Variants in ADAMTS14 observed in about 807,000 individuals in gnomAD.
The protein encoded by ADAMTS14 is ADAM metallopeptidase with thrombospondin type 1 motif 14.
In ADAMTS14, 100 loss-of-function variants were observed where a neutral mutation model predicts 128.6. The ratio of observed to expected loss-of-function variants is 0.78; its 90% confidence interval spans 0.66 to 0.92. The LOEUF (loss-of-function observed/expected upper bound fraction) is 0.92. Ranked by LOEUF, ADAMTS14 falls within the 40% of genes least tolerant of loss-of-function variation. ADAMTS14 has a pLI of 0.00. For missense variants in ADAMTS14, 1,562 were observed against 1,658.6 expected (o/e 0.94, Z 1.01); for synonymous variants, 665 against 653.8 (o/e 1.02, Z -0.26).
At position 70,691,505 on chromosome 10, in the gene ADAMTS14, A is replaced by AC. The variant is rs1840188624; in HGVS notation, c.523-10807_523-10806insC. Reference sequence around the variant, plus strand: ...ACCCTGTTAAAAAAAAAAAAAAAAAAAAAACAAAGAAAAAAACAAAACTTC... The same window carrying AC: ...ACCCTGTTAAAAAAAAAAAAAAAAAACAAAACAAAGAAAAAAACAAAACTTC... On this transcript the variant is annotated intron_variant, in intron 2 of 21. Coordinates refer to ENST00000373207, the MANE Select transcript of ADAMTS14 (RefSeq NM_080722.4). Among the ~76,000 whole-genome samples the AC allele has an allele frequency of 2.8e-5, 4 of 144,776 alleles. No homozygotes were observed. The South Asian group carries it at 8.9e-4, about 32-fold the overall frequency. 95.0% of individuals were successfully genotyped at this position (144,776 alleles called of 152,430 possible). A position where few individuals can be genotyped will look rare whatever the true frequency, so the allele number is the denominator to read the frequency against.
intron 2 of ADAMTS14, among the ~76,000 whole-genome samples, chr10:70,686,780 C>A (rs1456312499): frequency 1.7e-5 from 1 of 59,876 alleles, no homozygotes; most frequent in African/African-American, 6.2e-5. Context: ...CATCCTGGCC[C>A]GTTCTCAATG....
intron 10 of ADAMTS14, among the ~76,000 whole-genome samples, chr10:70,738,412 G>A (rs1273560557): frequency 6.6e-6 from 1 of 152,186 alleles, no homozygotes; most frequent in East Asian, 1.9e-4. Flanking sequence ...TCCCTGCATG[G>A]CTGGTCTGCC....
At chr10:70,746,854 A>C (rs906359743) in intron 15 of ADAMTS14, among the ~76,000 whole-genome samples, 1 of 152,184 alleles carries the variant, frequency 6.6e-6, no homozygotes, top group African/African-American at 2.4e-5. Flanking sequence ...GCAAGTGGGC[A>C]GAAGGCTGCT....
Position 70,687,231 on chromosome 10 carries a change from G to A in ADAMTS14, c.522+12236G>A, listed in dbSNP as rs1273494532. On this transcript the variant is annotated intron_variant, in intron 2 of 21. Transcript: ENST00000373207. ...TCCCGGACGGGGCGGCTGGCTGGGC[G>A]GGGGGCTGACCCCCCCACCTCCCTC... Among the ~76,000 whole-genome samples, 7 of 105,356 alleles carry A rather than the reference G, an allele frequency of 6.6e-5. 1 individual carries two copies. Among genetic ancestry groups the A allele is most frequent in the Non-Finnish European group, 8.6e-5 (4 of 46,396 alleles). The allele number at this position is 105,356 out of a possible 152,430, so 69.1% of individuals were successfully genotyped here. A position where few individuals can be genotyped will look rare whatever the true frequency, so the allele number is the denominator to read the frequency against.
intron 4 of ADAMTS14, among the ~76,000 whole-genome samples, chr10:70,715,814 T>C (rs1841020151): frequency 6.6e-6 from 1 of 152,128 alleles, no homozygotes; most frequent in African/African-American, 2.4e-5. Flanking sequence ...CCCTCCAATC[T>C]GGAGTTATAA....
chr10:70,751,950 G>A, intron 17 of ADAMTS14, 145 bp from the exon 18 acceptor site: 1 of 1,253,212 alleles, frequency 8.0e-7, no homozygotes, highest in East Asian at 2.5e-5. Flanking sequence ...GCGTCCCTCA[G>A]AAAGTGACGT....
chr10:70,729,383 C>T lies in ADAMTS14; in HGVS notation c.954+6C>T, dbSNP rs777006942. On this transcript the variant is annotated splice_donor_region_variant and intron_variant, in intron 5 of 21. Coordinates refer to ENST00000373207, the MANE Select transcript of ADAMTS14 (RefSeq NM_080722.4). ...TCATGGTTGGCTACCGACAGGTAAA[C>T]CACCTTGTCAGCAGGCAGGGTTTGC... 24 of 1,612,588 alleles carry T rather than the reference C, an allele frequency of 1.5e-5. 1 individual carries two copies. In the South Asian group the frequency reaches 2.6e-4, roughly 18 times the overall value.
intron 3 of ADAMTS14, among the ~76,000 whole-genome samples, chr10:70,707,685 T>C (rs1334294165): frequency 6.6e-6 from 1 of 152,262 alleles, no homozygotes; most frequent in African/African-American, 2.4e-5. Flanking sequence ...TTAACATCTT[T>C]GAACTTCAAT....
Position 70,749,810 on chromosome 10 carries a change from C to A in ADAMTS14, c.2264-12C>A, listed in dbSNP as rs757942737. On this transcript the variant is annotated splice_polypyrimidine_tract_variant and intron_variant, in intron 15 of 21. Transcript: ENST00000373207. ...GCAGAAATCTGTGTGACCCTCTCCC[C>A]CCACCGGTCAGTGGTGAAGAACCAG... The A allele has an allele frequency of 1.1e-5, 17 of 1,613,136 alleles. No individual in the cohort carries two copies. The highest frequency in any genetic ancestry group is 1.4e-5 in the Non-Finnish European group (16 of 1,179,542).
intron 2 of ADAMTS14, among the ~76,000 whole-genome samples, chr10:70,687,935 G>A (rs1279448187): frequency 5.3e-5 from 4 of 76,062 alleles, no homozygotes; most frequent in East Asian, 7.2e-4. Flanking sequence ...CCTCCCTCCC[G>A]GATGGGGCGG....
At chr10:70,746,951 G>A (rs1184729052) in intron 15 of ADAMTS14, among the ~76,000 whole-genome samples, 2 of 151,904 alleles carry the variant, frequency 1.3e-5, no homozygotes, top group Non-Finnish European at 2.9e-5. Context: ...TGTCACAGAG[G>A]CCCCTCTTAC....
chr10:70,729,219 C>G lies in ADAMTS14; in HGVS notation c.871-75C>G, dbSNP rs1841542115. 1.3e-5 allele frequency: 17 copies of G among 1,280,524 alleles called. No individual in the cohort carries two copies. In the South Asian group the frequency reaches 1.9e-4, roughly 14 times the overall value. The allele number at this position is 1,280,524 out of a possible 1,614,324, so 79.3% of individuals were successfully genotyped here. On this transcript the variant is annotated intron_variant, in intron 4 of 21. Transcript: ENST00000373207. ...CGGTGGGGATACCATATGTTAGGTACCTACCCCAGTACCTGGCATGCAGTA... is the reference window on the plus strand; with the variant it reads ...CGGTGGGGATACCATATGTTAGGTAGCTACCCCAGTACCTGGCATGCAGTA...
intron 6 of ADAMTS14, 120 bp from the exon 7 acceptor site, chr10:70,732,134 C>A: frequency 1.1e-6 from 1 of 874,040 alleles, no homozygotes; most frequent in Non-Finnish European, 1.8e-6. Context: ...ATCTGTCTTC[C>A]TCCAGGAACG....
intron 21 of ADAMTS14, among the ~76,000 whole-genome samples, chr10:70,758,490 T>C (rs1198859693): frequency 6.6e-6 from 1 of 152,244 alleles, no homozygotes; most frequent in East Asian, 1.9e-4. Context: ...AAATGTTTAT[T>C]TCTAAGTTTG....
At chr10:70,685,140 G>C (rs1409042490) in intron 2 of ADAMTS14, among the ~76,000 whole-genome samples, 2 of 152,176 alleles carry the variant, frequency 1.3e-5, no homozygotes, top group African/African-American at 2.4e-5. Context: ...GAGAGTGATG[G>C]GGGCTGTGCT....
At chr10:70,745,090 T>C in intron 14 of ADAMTS14, 136 bp from the exon 15 acceptor site, 1 of 781,254 alleles carries the variant, frequency 1.3e-6, no homozygotes, top group Non-Finnish European at 2.1e-6. Flanking sequence ...AGTTTACAAA[T>C]GAGGATACAG....
chr10:70,742,676 G>T (rs1266515169), intron 12 of ADAMTS14, among the ~76,000 whole-genome samples: 1 of 152,222 alleles, frequency 6.6e-6, no homozygotes, highest in African/African-American at 2.4e-5. Flanking sequence ...TGGGAGGCCC[G>T]TGGGGCAGCT....
At chr10:70,723,847 C>T (rs1323591903) in intron 4 of ADAMTS14, among the ~76,000 whole-genome samples, 2 of 152,232 alleles carry the variant, frequency 1.3e-5, no homozygotes, top group Non-Finnish European at 2.9e-5. Flanking sequence ...CACCCTGCCA[C>T]AGAAACTGGT....
At chr10:70,729,843 G>C (rs1430847883) in intron 5 of ADAMTS14, among the ~76,000 whole-genome samples, 2 of 152,246 alleles carry the variant, frequency 1.3e-5, no homozygotes. Context: ...TTGCAGGTTA[G>C]TTGAAGGGAT....
Sources: allele counts gnomAD v4.1 joint callset (sites outside exome capture counted in the v4.1 genomes callset), GRCh38; gene constraint gnomAD v4.1.1; transcripts MANE v1.5; gene names NCBI Gene and HGNC (gene_info 2026-07-23, HGNC 2026-07-21).